Variants in TRHDE observed in about 807,000 individuals in gnomAD.
TRHDE encodes the protein thyrotropin releasing hormone degrading enzyme.
A neutral mutation model predicts 125.7 loss-of-function variants in TRHDE; 72 were observed. The observed-to-expected ratio is 0.57, with a 90% CI of 0.47 to 0.70. The LOEUF (loss-of-function observed/expected upper bound fraction) is 0.70. TRHDE is among the 30% of genes least tolerant of loss of function. TRHDE has a pLI of 0.00. For synonymous variants in TRHDE, 509 were observed against 509.1 expected, an observed-to-expected ratio of 1.00 and a Z score of 0.00; for missense variants, 1,110 against 1,327.1, an observed-to-expected ratio of 0.84 and a Z score of 2.54.
At position 72,630,886 on chromosome 12, in the gene TRHDE, C is replaced by CAA. The variant is rs747171265; in HGVS notation, c.2675+9148_2675+9149dup. Among the ~76,000 whole-genome samples, 3 of 116,760 alleles carry CAA rather than the reference C, an allele frequency of 2.6e-5. No homozygotes were observed. In the South Asian group the frequency reaches 8.3e-4, roughly 32 times the overall value. The allele number at this position is 116,760 out of a possible 152,430, so 76.6% of individuals were successfully genotyped here. On this transcript the variant is annotated intron_variant, in intron 15 of 18. Coordinates refer to ENST00000261180, the MANE Select transcript of TRHDE (RefSeq NM_013381.3). The stretch of plus-strand genomic sequence containing the variant: ...ATGGAAATTTCCCTAAAATTCATAG[C>CAA]AAAAAAAAAAAAAACCTACCCATAC...
At chr12:72,554,130 G>A (rs566526125) in intron 7 of TRHDE, among the ~76,000 whole-genome samples, 7 of 152,150 alleles carry the variant, frequency 4.6e-5, no homozygotes, top group African/African-American at 1.4e-4. Context: ...TTACAGGAGT[G>A]AGCCACCGCT....
At chr12:72,205,341 T>G (rs1186017363) in intron 2 of TRHDE, among the ~76,000 whole-genome samples, 1 of 152,140 alleles carries the variant, frequency 6.6e-6, no homozygotes, top group Non-Finnish European at 1.5e-5. Flanking sequence ...TGTTTTTTTT[T>G]TTTTTGAGAA....
chr12:72,573,008 AT>A (rs1469077265), intron 10 of TRHDE, among the ~76,000 whole-genome samples: 5 of 152,148 alleles, frequency 3.3e-5, no homozygotes, highest in East Asian at 1.9e-4. Flanking sequence ...TTTGAAAAAA[AT>A]AACACTTCTT....
At chr12:72,283,748 C>G (rs1004011659) in intron 1 of TRHDE, among the ~76,000 whole-genome samples, 1 of 152,102 alleles carries the variant, frequency 6.6e-6, no homozygotes, top group African/African-American at 2.4e-5. Context: ...ATAATAAATT[C>G]TTACCCACTA....
intron 2 of TRHDE, among the ~76,000 whole-genome samples, chr12:72,338,731 G>T (rs1466925612): frequency 1.3e-5 from 2 of 152,112 alleles, no homozygotes; most frequent in Admixed American, 6.6e-5. Context: ...TGCTGCTTAT[G>T]GTGATGTAAC....
chr12:72,628,581 T>C (rs920202834), intron 15 of TRHDE, among the ~76,000 whole-genome samples: 2 of 151,912 alleles, frequency 1.3e-5, no homozygotes, highest in Non-Finnish European at 2.9e-5. Context: ...TCCCAGTAAG[T>C]TGATTATGCT....
intron 3 of TRHDE, among the ~76,000 whole-genome samples, chr12:72,456,176 C>CAGAG (rs1555187731): frequency 7.1e-6 from 1 of 140,442 alleles, no homozygotes; most frequent in African/African-American, 2.8e-5. Flanking sequence ...CACACACACA[C>CAGAG]AGAGACTCAG....
intron 2 of TRHDE, among the ~76,000 whole-genome samples, chr12:72,218,995 C>T (rs567173641): frequency 2.0e-5 from 3 of 152,040 alleles, no homozygotes; most frequent in Admixed American, 2.0e-4. Flanking sequence ...CTAAATTTTG[C>T]CAGAGAGCAA....
At chr12:72,278,135 C>T (rs1805477377) in intron 1 of TRHDE, among the ~76,000 whole-genome samples, 1 of 152,142 alleles carries the variant, frequency 6.6e-6, no homozygotes, top group Non-Finnish European at 1.5e-5. Context: ...CATTATTCTA[C>T]TCTCTAATTC....
At chr12:72,279,863 A>T (rs2139418281) in intron 1 of TRHDE, among the ~76,000 whole-genome samples, 1 of 152,346 alleles carries the variant, frequency 6.6e-6, no homozygotes, top group African/African-American at 2.4e-5. Flanking sequence ...TGTGTGCTGC[A>T]GGATGAAGTT....
intron 1 of TRHDE, among the ~76,000 whole-genome samples, chr12:72,096,190 T>C (rs1203650536): frequency 2.7e-5 from 4 of 150,538 alleles, no homozygotes; most frequent in Admixed American, 1.3e-4. Context: ...TGTATTTCTC[T>C]GGAGCACTCT....
upstream of TRHDE, among the ~76,000 whole-genome samples, chr12:72,268,873 A>G (rs1361566099): frequency 1.3e-5 from 2 of 152,122 alleles, no homozygotes; most frequent in African/African-American, 4.8e-5. Context: ...TCATGACTTT[A>G]GTGATATTTA....
chr12:72,445,355 G>A (rs1374671229), intron 3 of TRHDE, among the ~76,000 whole-genome samples: 1 of 151,596 alleles, frequency 6.6e-6, no homozygotes, highest in Non-Finnish European at 1.5e-5. Flanking sequence ...CTGTTCATAG[G>A]TGTATTTATC....
At chr12:72,512,394 T>C (rs1302043265) in intron 6 of TRHDE, among the ~76,000 whole-genome samples, 16 of 140,982 alleles carry the variant, frequency 1.1e-4, no homozygotes, top group Admixed American at 5.3e-4. Context: ...TAATATATAA[T>C]TATTATTATA....
chr12:72,394,531 C>A (rs940849538), intron 3 of TRHDE, among the ~76,000 whole-genome samples: 1 of 152,168 alleles, frequency 6.6e-6, no homozygotes, highest in African/African-American at 2.4e-5. Context: ...TTCAAGTTCA[C>A]GTCTTCTGTT....
intron 2 of TRHDE, chr12:72,254,739 AC>A (rs776680393): frequency 6.6e-6 from 1 of 152,100 alleles, no homozygotes; most frequent in African/African-American, 2.4e-5. Flanking sequence ...TCAAACAAAG[AC>A]CCATGCCTTT....
intron 5 of TRHDE, among the ~76,000 whole-genome samples, chr12:72,480,491 AC>A (rs1345629696): frequency 2.0e-5 from 3 of 152,190 alleles, no homozygotes; most frequent in African/African-American, 4.8e-5. Flanking sequence ...GGTCTTGTAT[AC>A]TTTAAACCTA....
intron 2 of TRHDE, among the ~76,000 whole-genome samples, chr12:72,344,955 A>C (rs1288978506): frequency 6.6e-6 from 1 of 152,128 alleles, no homozygotes; most frequent in Non-Finnish European, 1.5e-5. Flanking sequence ...CTCTGGGCCT[A>C]CTGTGTGCTG....
intron 2 of TRHDE, among the ~76,000 whole-genome samples, chr12:72,227,334 G>A (rs891505571): frequency 6.6e-6 from 1 of 152,156 alleles, no homozygotes; most frequent in Non-Finnish European, 1.5e-5. Context: ...GCAAAGAGAT[G>A]TCTTTCATGG....
Sources: allele counts gnomAD v4.1 joint callset (sites outside exome capture counted in the v4.1 genomes callset), GRCh38; gene constraint gnomAD v4.1.1; transcripts MANE v1.5; gene names NCBI Gene and HGNC (gene_info 2026-07-23, HGNC 2026-07-21).